The following NEGR1 variants were observed in gnomAD, a reference collection of about 807,000 sequenced individuals.
The protein encoded by NEGR1 is neuronal growth regulator 1.
Under a neutral mutation model 40.9 loss-of-function variants are expected in NEGR1, and 10 were observed. The ratio of observed to expected loss-of-function variants is 0.24; its 90% CI spans 0.15 to 0.42. The LOEUF (loss-of-function observed/expected upper bound fraction) is 0.42. Among genes scored for constraint, NEGR1 ranks in the 10% least tolerant of loss-of-function variants. The probability of loss-of-function intolerance (pLI) is 1.00; values close to 1 mark genes in which losing one functional copy is unlikely to be tolerated. For synonymous variants in NEGR1, 185 were observed against 166.8 expected, an observed-to-expected ratio of 1.11 and a Z score of -0.84; for missense variants, 352 against 438.9, an observed-to-expected ratio of 0.80 and a Z score of 1.77.
intron 6 of NEGR1, among the ~76,000 whole-genome samples, chr1:71,419,665 G>T (rs1646380792): frequency 6.6e-6 from 1 of 151,886 alleles, no homozygotes. Flanking sequence ...GTCTCCTCTT[G>T]TATTTCTTAA....
chr1:71,802,148 G>C (rs1455965648), intron 2 of NEGR1, among the ~76,000 whole-genome samples: 1 of 152,086 alleles, frequency 6.6e-6, no homozygotes. Flanking sequence ...GGTGCAGCTT[G>C]GGTTTTCCTT....
intron 1 of NEGR1, among the ~76,000 whole-genome samples, chr1:72,030,979 A>T (rs775612466): frequency 2.2e-4 from 33 of 152,184 alleles, no homozygotes; most frequent in Non-Finnish European, 4.9e-4. Context: ...AAGTCGTAAG[A>T]GTTTATCTTA....
At chr1:71,641,989 G>T (rs1292343525) in intron 4 of NEGR1, among the ~76,000 whole-genome samples, 7 of 151,982 alleles carry the variant, frequency 4.6e-5, no homozygotes, top group African/African-American at 1.4e-4. Context: ...GCCTTAGGAA[G>T]TACGGTGAGT....
intron 1 of NEGR1, among the ~76,000 whole-genome samples, chr1:72,065,326 T>G (rs1647246818): frequency 1.3e-5 from 2 of 152,078 alleles, no homozygotes; most frequent in Admixed American, 1.3e-4. Context: ...AAATCCTTCC[T>G]CTACTGCCCT....
intron 4 of NEGR1, among the ~76,000 whole-genome samples, chr1:71,663,426 TAATTC>T (rs2101592698): frequency 6.6e-6 from 1 of 152,330 alleles, no homozygotes; most frequent in South Asian, 2.1e-4. Flanking sequence ...CCTAGTAATT[TAATTC>T]AACAAACTCA....
At chr1:72,196,451 G>GA (rs1217952921) in intron 1 of NEGR1, among the ~76,000 whole-genome samples, 2 of 151,934 alleles carry the variant, frequency 1.3e-5, no homozygotes, top group African/African-American at 2.4e-5. Flanking sequence ...AACATTATAG[G>GA]AAAAAATGCA....
Position 71,405,895 on chromosome 1 carries a change from A to T in NEGR1, c.*1551T>A, listed in dbSNP as rs1454331719. The T allele has an allele frequency of 6.6e-6, 1 of 152,292 alleles. No individual in the cohort carries two copies. Among genetic ancestry groups the T allele is most frequent in the East Asian group, 1.9e-4 (1 of 5,190 alleles). 9.4% of individuals were successfully genotyped at this position (152,292 alleles called of 1,614,324 possible). On this transcript the variant is annotated 3_prime_UTR_variant, in exon 7 of 7. Coordinates refer to ENST00000357731, the MANE Select transcript of NEGR1 (RefSeq NM_173808.3). The stretch of plus-strand genomic sequence containing the variant: ...AACCTGTAAAATGGCTTTCAAGGTG[A>T]TGGCCTTTCTTTAGTAAAGAGTGAA...
chr1:71,838,088 A>G (rs1659106887), intron 2 of NEGR1, among the ~76,000 whole-genome samples: 1 of 152,122 alleles, frequency 6.6e-6, no homozygotes, highest in African/African-American at 2.4e-5. Context: ...CCCAGTTTCT[A>G]GGGTCTATTG....
chr1:72,176,561 G>A (rs562256282), intron 1 of NEGR1, among the ~76,000 whole-genome samples: 62 of 152,166 alleles, frequency 4.1e-4, no homozygotes, highest in African/African-American at 1.5e-3. Flanking sequence ...GTTCATGGAT[G>A]AATAAAAGTT....
intron 1 of NEGR1, among the ~76,000 whole-genome samples, chr1:71,943,626 T>G (rs2100255902): frequency 6.6e-6 from 1 of 152,208 alleles, no homozygotes; most frequent in East Asian, 1.9e-4. Flanking sequence ...AAATTAGCAT[T>G]TATGAAGTAA....
chr1:71,435,406 G>A (rs918986667), intron 6 of NEGR1, among the ~76,000 whole-genome samples: 1 of 152,042 alleles, frequency 6.6e-6, no homozygotes, highest in African/African-American at 2.4e-5. Flanking sequence ...CCAAGATAAC[G>A]AGAGAAACAG....
At chr1:71,773,865 T>G (rs544999352) in intron 3 of NEGR1, among the ~76,000 whole-genome samples, 68 of 152,256 alleles carry the variant, frequency 4.5e-4, no homozygotes, top group African/African-American at 1.5e-3. Context: ...TAACCAACAT[T>G]CCTATTTAAT....
chr1:71,987,525 A>T (rs1261364691), intron 1 of NEGR1, among the ~76,000 whole-genome samples: 1 of 152,218 alleles, frequency 6.6e-6, no homozygotes, highest in Non-Finnish European at 1.5e-5. Flanking sequence ...AACAGAATGC[A>T]GGGCATTGAC....
intron 1 of NEGR1, among the ~76,000 whole-genome samples, chr1:72,015,552 C>T (rs1290464008): frequency 6.6e-6 from 1 of 152,096 alleles, no homozygotes; most frequent in East Asian, 1.9e-4. Flanking sequence ...GACCTATAAT[C>T]CCAGCACTTT....
At chr1:72,004,857 T>C (rs1351767655) in intron 1 of NEGR1, among the ~76,000 whole-genome samples, 1 of 152,112 alleles carries the variant, frequency 6.6e-6, no homozygotes, top group Non-Finnish European at 1.5e-5. Flanking sequence ...ACTCACAATG[T>C]TTGAAAAGTA....
chr1:71,694,117 A>G (rs537278009), intron 4 of NEGR1, among the ~76,000 whole-genome samples: 5 of 151,760 alleles, frequency 3.3e-5, no homozygotes, highest in Admixed American at 6.6e-5. Context: ...TACAATAACA[A>G]CTATGAACCT....
chr1:71,873,686 T>C (rs950837831), intron 2 of NEGR1, among the ~76,000 whole-genome samples: 6 of 152,194 alleles, frequency 3.9e-5, no homozygotes, highest in African/African-American at 1.4e-4. Flanking sequence ...CATCTCTCCT[T>C]CTTTCCAAAT....
chr1:71,803,632 T>A (rs1419239976), intron 2 of NEGR1, among the ~76,000 whole-genome samples: 1 of 152,188 alleles, frequency 6.6e-6, no homozygotes, highest in East Asian at 1.9e-4. Flanking sequence ...GCTTTTTCCT[T>A]GTACTTCTTT....
At chr1:71,679,277 C>T (rs1373526092) in intron 4 of NEGR1, among the ~76,000 whole-genome samples, 4 of 152,030 alleles carry the variant, frequency 2.6e-5, no homozygotes, top group Non-Finnish European at 5.9e-5. Context: ...CAACAAAATA[C>T]CTGTTCAAAT....
Sources: allele counts gnomAD v4.1 joint callset (sites outside exome capture counted in the v4.1 genomes callset), GRCh38; gene constraint gnomAD v4.1.1; transcripts MANE v1.5; gene names NCBI Gene and HGNC (gene_info 2026-07-23, HGNC 2026-07-21).